The following CDH13 variants were observed in gnomAD, a reference collection of about 807,000 sequenced individuals.
The protein encoded by CDH13 is cadherin-13.
In CDH13, 24 loss-of-function variants were observed where a neutral mutation model predicts 63.8. The ratio of observed to expected loss-of-function variants is 0.38; its 90% confidence interval spans 0.27 to 0.53. The LOEUF (loss-of-function observed/expected upper bound fraction) is 0.53. Among genes scored for constraint, CDH13 ranks in the 20% least tolerant of loss-of-function variants. CDH13 has a pLI of 0.85. For synonymous variants in CDH13, 503 were observed against 355.3 expected, an observed-to-expected ratio of 1.42 and a Z score of -4.67; for missense variants, 1,049 against 903.1, an observed-to-expected ratio of 1.16 and a Z score of -2.07.
intron 6 of CDH13, among the ~76,000 whole-genome samples, chr16:83,373,279 G>T (rs539946860): frequency 1.7e-4 from 26 of 152,324 alleles, no homozygotes; most frequent in African/African-American, 6.3e-4. Context: ...AAGGATAGGA[G>T]CATAACCTTG....
intron 1 of CDH13, among the ~76,000 whole-genome samples, chr16:82,793,600 A>G (rs576315073): frequency 6.6e-6 from 1 of 152,248 alleles, no homozygotes; most frequent in East Asian, 1.9e-4. Flanking sequence ...GCATCATTTA[A>G]AACTCAAAAC....
chr16:83,699,650 C>G (rs538826351), intron 10 of CDH13, among the ~76,000 whole-genome samples: 1 of 151,800 alleles, frequency 6.6e-6, no homozygotes, highest in African/African-American at 2.4e-5. Context: ...TATGTGCACA[C>G]GCACATACAC....
chr16:82,932,494 G>A (rs2042531563), intron 2 of CDH13, among the ~76,000 whole-genome samples: 1 of 152,154 alleles, frequency 6.6e-6, no homozygotes, highest in African/African-American at 2.4e-5. Flanking sequence ...TTAAAATAGA[G>A]GATAGGTCAT....
intron 7 of CDH13, among the ~76,000 whole-genome samples, chr16:83,551,712 A>C (rs1448606222): frequency 6.6e-6 from 1 of 152,100 alleles, no homozygotes; most frequent in East Asian, 1.9e-4. Flanking sequence ...TCCCTTGGAG[A>C]AATAAATGCA....
chr16:83,477,957 G>T (rs922066696), intron 6 of CDH13, among the ~76,000 whole-genome samples: 5 of 152,054 alleles, frequency 3.3e-5, no homozygotes, highest in African/African-American at 1.2e-4. Flanking sequence ...CGAGTCGGGT[G>T]GATCACGAGG....
At chr16:82,736,374 G>A (rs929724705) in intron 1 of CDH13, among the ~76,000 whole-genome samples, 2 of 152,134 alleles carry the variant, frequency 1.3e-5, no homozygotes, top group African/African-American at 2.4e-5. Flanking sequence ...AGGTTGACAC[G>A]GTGCCACTCA....
At chr16:82,939,303 G>C (rs1308924150) in intron 2 of CDH13, among the ~76,000 whole-genome samples, 1 of 152,116 alleles carries the variant, frequency 6.6e-6, no homozygotes, top group Admixed American at 6.6e-5. Flanking sequence ...TGCACCTGTA[G>C]TTCCAGCTAC....
At chr16:83,418,179 C>A (rs531503972) in intron 6 of CDH13, among the ~76,000 whole-genome samples, 1 of 152,206 alleles carries the variant, frequency 6.6e-6, no homozygotes, top group Admixed American at 6.5e-5. Flanking sequence ...CTGTGCTACA[C>A]TTTTCCTCAT....
At chr16:83,042,054 C>T (rs938672458) in intron 3 of CDH13, among the ~76,000 whole-genome samples, 1 of 152,170 alleles carries the variant, frequency 6.6e-6, no homozygotes, top group South Asian at 2.1e-4. Flanking sequence ...CTACTCTGAG[C>T]CAACTGTTTG....
At chr16:82,921,834 C>T (rs1319197476) in intron 2 of CDH13, among the ~76,000 whole-genome samples, 1 of 152,136 alleles carries the variant, frequency 6.6e-6, no homozygotes, top group African/African-American at 2.4e-5. Flanking sequence ...ATTATTTCCT[C>T]TTTAAATGCT....
chr16:83,344,846 CT>C lies in CDH13; in HGVS notation c.637-15del. On this transcript the variant is annotated splice_polypyrimidine_tract_variant and intron_variant, in intron 5 of 13. Transcript: ENST00000567109. ...ATTAATATCTTCTTTCTCCCCCAAT[CT>C]CTTTGCTCAAATAGCTATTTGTGGA... 2 of 1,613,044 alleles carry C rather than the reference CT, an allele frequency of 1.2e-6. No individual in the cohort carries two copies. Among genetic ancestry groups the C allele is most frequent in the African/African-American group, 2.7e-5 (2 of 75,038 alleles).
chr16:83,779,222 T>A (rs796912204), intron 11 of CDH13, among the ~76,000 whole-genome samples: 51 of 151,742 alleles, frequency 3.4e-4, no homozygotes, highest in African/African-American at 1.2e-3. Context: ...CTGGCCAACA[T>A]AGCGAAACCC....
intron 1 of CDH13, among the ~76,000 whole-genome samples, chr16:82,697,387 T>C (rs2030429752): frequency 6.6e-6 from 1 of 151,518 alleles, no homozygotes; most frequent in Non-Finnish European, 1.5e-5. Context: ...CAACATCCTT[T>C]AATCACCTTT....
rs1474666226 is a variant in CDH13, at chr16:83,297,678, A to T, written c.637-47184A>T. Among the ~76,000 whole-genome samples, 4 of 152,232 alleles carry T rather than the reference A, an allele frequency of 2.6e-5. No individual in the cohort carries two copies. The East Asian group carries it at 7.7e-4, about 29-fold the overall frequency. Reference sequence around the variant, plus strand: ...AACTGACAAAGACATAACTTCAACCAGTCAAGGAGATTTCAGTGTCAGATA... The same window carrying T: ...AACTGACAAAGACATAACTTCAACCTGTCAAGGAGATTTCAGTGTCAGATA... On this transcript the variant is annotated intron_variant, in intron 5 of 13. Transcript: ENST00000567109.
At chr16:83,013,552 A>G (rs977667746) in intron 2 of CDH13, among the ~76,000 whole-genome samples, 1 of 152,228 alleles carries the variant, frequency 6.6e-6, no homozygotes, top group African/African-American at 2.4e-5. Flanking sequence ...AGTGGGATTA[A>G]GAGCCTCAGG....
At chr16:83,574,841 C>T (rs1293267675) in intron 7 of CDH13, among the ~76,000 whole-genome samples, 1 of 152,114 alleles carries the variant, frequency 6.6e-6, no homozygotes, top group East Asian at 1.9e-4. Flanking sequence ...TATCCATGAA[C>T]TCCAGTTTTA....
At chr16:82,973,567 C>A (rs112778698) in intron 2 of CDH13, among the ~76,000 whole-genome samples, 367 of 152,250 alleles carry the variant, frequency 2.4e-3, no homozygotes, top group African/African-American at 8.4e-3. Context: ...CACGGTAAAG[C>A]TAGAAATGTA....
intron 4 of CDH13, among the ~76,000 whole-genome samples, chr16:83,153,245 G>T (rs1167843290): frequency 6.6e-6 from 1 of 152,042 alleles, no homozygotes; most frequent in Non-Finnish European, 1.5e-5. Flanking sequence ...ATGAAATCAT[G>T]GGGTGTCATG....
chr16:83,412,470 A>T (rs2092142133), intron 6 of CDH13, among the ~76,000 whole-genome samples: 1 of 152,222 alleles, frequency 6.6e-6, no homozygotes, highest in African/African-American at 2.4e-5. Context: ...TCAAAAAATA[A>T]AAATAAAAAT....
Sources: gnomAD v4.1 joint callset for allele counts (sites outside exome capture counted in the v4.1 genomes callset) on GRCh38, gnomAD v4.1.1 for gene constraint, MANE v1.5 for transcripts, NCBI Gene and HGNC (gene_info 2026-07-23, HGNC 2026-07-21) for gene names.